MTG1: variants seen among roughly 807,000 people sequenced by gnomAD.
MTG1 encodes the protein mitochondrial ribosome-associated GTPase 1.
In MTG1, 30 loss-of-function variants were observed where a neutral mutation model predicts 39.5. The observed-to-expected ratio is 0.76, with a 90% CI of 0.57 to 1.03. The LOEUF is 1.03. Ranked by LOEUF, MTG1 falls within the 50% of genes least tolerant of loss-of-function variation. The probability of loss-of-function intolerance (pLI) is 0.00; values close to 1 mark genes in which losing one functional copy is unlikely to be tolerated. For missense variants in MTG1, 513 were observed against 447.4 expected (o/e 1.15, Z -1.32); for synonymous variants, 217 against 179.0 (o/e 1.21, Z -1.69).
chr10:133,394,519 G>T (rs1365327089), intron 1 of MTG1, 187 bp downstream of exon 1: 14 of 1,328,300 alleles, frequency 1.1e-5, no homozygotes, highest in Non-Finnish European at 1.2e-5. Context: ...CTTCCCCTGC[G>T]CAGCTGCGGG....
chr10:133,396,383 C>G (rs1849783650), intron 3 of MTG1, 116 bp downstream of exon 3: 1 of 874,906 alleles, frequency 1.1e-6, no homozygotes, highest in Non-Finnish European at 1.8e-6. Flanking sequence ...GCAGGCTCTG[C>G]TTTAGAAACA....
chr10:133,416,020 TGGGTGTCGGGCAGGC>T (rs1007496624), intron 9 of MTG1, among the ~76,000 whole-genome samples: 2 of 94,652 alleles, frequency 2.1e-5, no homozygotes, highest in African/African-American at 3.9e-5. Flanking sequence ...GTCGGGCACG[TGGGTGTCGGGCAGGC>T]GGGCGTCGGG....
intron 9 of MTG1, among the ~76,000 whole-genome samples, chr10:133,416,589 T>G: frequency 7.8e-6 from 1 of 127,962 alleles, no homozygotes; most frequent in Admixed American, 9.0e-5. Context: ...GTGTGTGATG[T>G]TCCCCTTCCT....
intron 9 of MTG1, among the ~76,000 whole-genome samples, chr10:133,414,368 C>T (rs961136036): frequency 2.0e-5 from 3 of 152,224 alleles, no homozygotes; most frequent in African/African-American, 7.2e-5. Context: ...CCCCACCTTT[C>T]CCCCTTCTCT....
rs1849897960 is a variant in MTG1 at position 133,402,513 on chromosome 10, A to G, written c.671-179A>G. On this transcript the variant is annotated intron_variant, in intron 8 of 10. Transcript: ENST00000317502. The surrounding 1 kb of genome is among the most constrained non-coding windows in gnomAD (Gnocchi z 4.7). ...GAGAGGTTGGTCGCAGGTGCCAGGC[A>G]GGAGTGGGGGCCGGGACCACAGCCG... 2.9e-6 allele frequency: 2 copies of G among 701,282 alleles called. No homozygotes were observed. Among genetic ancestry groups the G allele is most frequent in the Non-Finnish European group, 4.8e-6 (2 of 419,360 alleles). 43.4% of individuals were successfully genotyped at this position (701,282 alleles called of 1,614,324 possible).
chr10:133,396,890 G>T (rs748686458), intron 3 of MTG1, among the ~76,000 whole-genome samples: 2 of 152,158 alleles, frequency 1.3e-5, no homozygotes, highest in Non-Finnish European at 2.9e-5. Context: ...CTGGGAAGAC[G>T]CCCGTTGCCA....
In MTG1 at chr10:133,398,509, C is replaced by CA; in HGVS notation, c.359dup (p.Gln121AlafsTer8). On this transcript the variant is annotated frameshift_variant, in exon 4 of 11. Transcript: ENST00000317502. LOFTEE classifies it high-confidence loss of function. ...CCAACTGTGTAAAGGATGAAAATGT[C>CA]AAGCAGGTAGGCTTTTCGTCTGTGC... The CA allele has an allele frequency of 6.2e-7, 1 of 1,613,598 alleles. No homozygotes were observed. Among genetic ancestry groups the CA allele is most frequent in the East Asian group, 2.2e-5 (1 of 44,876 alleles).
At chr10:133,416,388 A>ATT (rs998861897) in intron 9 of MTG1, among the ~76,000 whole-genome samples, 6 of 119,926 alleles carry the variant, frequency 5.0e-5, no homozygotes, top group East Asian at 3.5e-4. Flanking sequence ...ATATATATAT[A>ATT]TTTTTCTTTT....
chr10:133,397,319 T>C (rs1849797539), intron 3 of MTG1, among the ~76,000 whole-genome samples: 1 of 152,070 alleles, frequency 6.6e-6, no homozygotes, highest in African/African-American at 2.4e-5. Context: ...TTACCTGTCA[T>C]TGGAGATGGC....
At chr10:133,395,148 T>C (rs557941083) in intron 1 of MTG1, among the ~76,000 whole-genome samples, 21 of 152,134 alleles carry the variant, frequency 1.4e-4, no homozygotes, top group African/African-American at 4.8e-4. Context: ...GTAATCCCAG[T>C]ACTTTGGGAG....
intron 9 of MTG1, among the ~76,000 whole-genome samples, chr10:133,408,368 C>T (rs560047887): frequency 6.6e-6 from 1 of 152,240 alleles, no homozygotes; most frequent in African/African-American, 2.4e-5. Context: ...TATTGATGTG[C>T]ATATGTTAAA....
At chr10:133,418,798 G>A (rs1036962131) in intron 9 of MTG1, among the ~76,000 whole-genome samples, 9 of 152,144 alleles carry the variant, frequency 5.9e-5, no homozygotes, top group South Asian at 2.1e-4. Flanking sequence ...TGGGTTAGTC[G>A]GGCTCCCAAG....
chr10:133,405,565 C>T (rs1217053759), intron 9 of MTG1, among the ~76,000 whole-genome samples: 4 of 152,116 alleles, frequency 2.6e-5, no homozygotes, highest in Admixed American at 1.3e-4. Context: ...GTTTTTAGCT[C>T]CCACATTTGA....
intron 9 of MTG1, among the ~76,000 whole-genome samples, chr10:133,414,224 G>C (rs1850087686): frequency 6.6e-6 from 1 of 150,588 alleles, no homozygotes; most frequent in Admixed American, 6.6e-5. Context: ...GAGAGCACAG[G>C]GTTGGGGGTA....
intron 9 of MTG1, among the ~76,000 whole-genome samples, chr10:133,407,282 A>G (rs770894278): frequency 6.6e-5 from 10 of 152,136 alleles, no homozygotes; most frequent in African/African-American, 9.7e-5. Flanking sequence ...TGGGGCCTTT[A>G]GTGGTGCCAT....
rs762506524 is a variant in MTG1 at position 133,399,637 on chromosome 10, T to C, written c.511+18T>C. On this transcript the variant is annotated intron_variant, in intron 6 of 10. Coordinates refer to ENST00000317502, the MANE Select transcript of MTG1 (RefSeq NM_138384.4). ...CAGGAAAGGTACTGGCGCGTGCGGCTGATCACCTCAGGAAAGGTACTGGCG... is the reference window on the plus strand; with the variant it reads ...CAGGAAAGGTACTGGCGCGTGCGGCCGATCACCTCAGGAAAGGTACTGGCG... The C allele has an allele frequency of 1.2e-5, 20 of 1,612,044 alleles. No individual in the cohort carries two copies. In the Middle Eastern group the frequency reaches 1.8e-3, roughly 146 times the overall value.
chr10:133,407,035 G>GC (rs1249722820), intron 9 of MTG1, among the ~76,000 whole-genome samples: 1 of 93,694 alleles, frequency 1.1e-5, no homozygotes. Flanking sequence ...AGTTTAACCA[G>GC]CACCCTTTTA....
At chr10:133,401,746 C>T in intron 7 of MTG1, 156 bp downstream of exon 7, 3 of 751,770 alleles carry the variant, frequency 4.0e-6, no homozygotes, top group Non-Finnish European at 7.0e-6. Flanking sequence ...ACTGCCCCTG[C>T]CCTTATTCCA....
intron 5 of MTG1, 52 bp downstream of exon 5, chr10:133,399,278 C>T (rs772563513): frequency 6.3e-7 from 1 of 1,591,866 alleles, no homozygotes; most frequent in South Asian, 1.1e-5. Flanking sequence ...TGGGATGGGC[C>T]AGCCCCTCCT....
Sources: allele counts gnomAD v4.1 joint callset (sites outside exome capture counted in the v4.1 genomes callset), GRCh38; gene constraint gnomAD v4.1.1; non-coding constraint Gnocchi (gnomAD v3.1); transcripts MANE v1.5; gene names NCBI Gene and HGNC (gene_info 2026-07-23, HGNC 2026-07-21).